Variants in LYRM4 observed in about 807,000 individuals in gnomAD.
LYRM4 encodes the protein LYR motif-containing protein 4.
In LYRM4, 9 loss-of-function variants were observed where a neutral mutation model predicts 11.7. The observed-to-expected ratio is 0.77, with a 90% CI of 0.46 to 1.34. The LOEUF is 1.34. LYRM4 is among the 40% of genes most tolerant of loss of function. The pLI is 0.00. For synonymous variants in LYRM4, 42 were observed against 40.4 expected (o/e 1.04, Z -0.15); for missense variants, 133 against 112.5 (o/e 1.18, Z -0.82).
chr6:5,079,775 C>A, the LYRM4 span, among the ~76,000 whole-genome samples: 2 of 152,240 alleles, frequency 1.3e-5, no homozygotes, highest in Non-Finnish European at 2.9e-5. Context: ...ATGGTTGAGA[C>A]TCATTGATCT....
the LYRM4 span, among the ~76,000 whole-genome samples, chr6:5,049,575 A>T: frequency 2.8e-3 from 427 of 152,314 alleles, 3 homozygotes; most frequent in African/African-American, 9.9e-3. Flanking sequence ...CAGTTTCCTC[A>T]TCTGTAACAT....
At chr6:5,104,208 A>C (rs1762592632), downstream of LYRM4, 1 of 152,452 alleles carries the variant, frequency 6.6e-6, no homozygotes, top group Non-Finnish European at 1.5e-5. Context: ...TGCCTAAAGC[A>C]GGAAGTTATT....
the LYRM4 span, among the ~76,000 whole-genome samples, chr6:5,056,241 C>T: frequency 2.0e-5 from 3 of 152,142 alleles, no homozygotes; most frequent in African/African-American, 7.2e-5. Flanking sequence ...CTGCATTCAA[C>T]CAGTTGTGAT....
At chr6:5,185,618 G>A (rs1392742770) in intron 2 of LYRM4, among the ~76,000 whole-genome samples, 1 of 152,136 alleles carries the variant, frequency 6.6e-6, no homozygotes, top group African/African-American at 2.4e-5. Flanking sequence ...TCCAGGAGGA[G>A]AGACAAGCCC....
chr6:5,154,799 A>G (rs1758307118), intron 2 of LYRM4, among the ~76,000 whole-genome samples: 1 of 152,122 alleles, frequency 6.6e-6, no homozygotes, highest in African/African-American at 2.4e-5. Context: ...AGCCTGGGCG[A>G]CAGAGCGAGA....
intron 2 of LYRM4, among the ~76,000 whole-genome samples, chr6:5,115,124 T>C (rs1455231156): frequency 6.6e-6 from 1 of 152,240 alleles, no homozygotes; most frequent in Non-Finnish European, 1.5e-5. Context: ...TCCCATATGA[T>C]GAACATTTAG....
At chr6:5,070,564 C>G in the LYRM4 span, among the ~76,000 whole-genome samples, 62 of 152,130 alleles carry the variant, frequency 4.1e-4, no homozygotes, top group East Asian at 0.011. Flanking sequence ...TATTTATCTT[C>G]AGAAATTTTC....
At chr6:5,227,266 A>G (rs1436926525) in intron 1 of LYRM4, among the ~76,000 whole-genome samples, 1 of 152,206 alleles carries the variant, frequency 6.6e-6, no homozygotes, top group Non-Finnish European at 1.5e-5. Flanking sequence ...GATGAAAGCC[A>G]TAGAATGGGA....
At chr6:5,153,918 G>A (rs1758235837) in intron 2 of LYRM4, among the ~76,000 whole-genome samples, 1 of 152,080 alleles carries the variant, frequency 6.6e-6, no homozygotes, top group African/African-American at 2.4e-5. Flanking sequence ...CTAAATTGCA[G>A]CAATAAACCC....
the LYRM4 span, among the ~76,000 whole-genome samples, chr6:5,074,718 A>C: frequency 6.6e-6 from 1 of 150,620 alleles, no homozygotes; most frequent in African/African-American, 2.4e-5. Flanking sequence ...CAAGTAAGGG[A>C]AGTGATTAAG....
intron 2 of LYRM4, among the ~76,000 whole-genome samples, chr6:5,200,889 C>G (rs1296887345): frequency 6.6e-6 from 1 of 152,182 alleles, no homozygotes; most frequent in Non-Finnish European, 1.5e-5. Flanking sequence ...GGTAAAAGTC[C>G]CGTCTTTGAA....
At chr6:5,069,463 A>G in the LYRM4 span, among the ~76,000 whole-genome samples, 3 of 149,428 alleles carry the variant, frequency 2.0e-5, no homozygotes, top group Non-Finnish European at 3.0e-5. Flanking sequence ...CTATATATAT[A>G]TTATATTTAT....
At chr6:5,245,429 A>G (rs1764153342) in intron 1 of LYRM4, among the ~76,000 whole-genome samples, 1 of 151,922 alleles carries the variant, frequency 6.6e-6, no homozygotes, top group African/African-American at 2.4e-5. Flanking sequence ...GTCACTGTGG[A>G]AACAGTTAAC....
the LYRM4 span, among the ~76,000 whole-genome samples, chr6:5,064,248 C>T: frequency 1.3e-5 from 2 of 152,260 alleles, no homozygotes; most frequent in East Asian, 3.9e-4. Context: ...TCAGCCTTCC[C>T]ACCTAGCCCG....
intron 2 of LYRM4, among the ~76,000 whole-genome samples, chr6:5,211,422 T>A (rs576192865): frequency 3.3e-5 from 5 of 152,188 alleles, no homozygotes; most frequent in Non-Finnish European, 7.3e-5. Context: ...GCAAATTACT[T>A]TGCTTAGCGA....
chr6:5,033,113 A>G, the LYRM4 span: 21 of 151,472 alleles, frequency 1.4e-4, no homozygotes, highest in African/African-American at 4.1e-4. Flanking sequence ...AAAACATCAG[A>G]TGGCCTCAGG....
intron 1 of LYRM4, among the ~76,000 whole-genome samples, chr6:5,234,763 A>G (rs1000407519): frequency 2.6e-5 from 4 of 152,264 alleles, no homozygotes; most frequent in African/African-American, 9.6e-5. Flanking sequence ...GGTGACTTTA[A>G]AAGGAAGTAT....
At chr6:5,147,722 T>C (rs1308273942) in intron 2 of LYRM4, among the ~76,000 whole-genome samples, 3 of 152,192 alleles carry the variant, frequency 2.0e-5, no homozygotes, top group Non-Finnish European at 2.9e-5. Flanking sequence ...CCCTCGGTTC[T>C]CTCCCTACTG....
At chr6:5,039,933 A>G in the LYRM4 span, among the ~76,000 whole-genome samples, 1 of 152,244 alleles carries the variant, frequency 6.6e-6, no homozygotes, top group Non-Finnish European at 1.5e-5. Context: ...AACAGAGCCT[A>G]AAAACAGACC....
Sources: allele counts gnomAD v4.1 joint callset (sites outside exome capture counted in the v4.1 genomes callset), GRCh38; gene constraint gnomAD v4.1.1; transcripts MANE v1.5; gene names NCBI Gene and HGNC (gene_info 2026-07-23, HGNC 2026-07-21).